Variants in WDR12 observed in about 807,000 individuals in gnomAD.
WDR12 encodes WD repeat domain 12.
In WDR12, 42 loss-of-function variants were observed where a neutral mutation model predicts 64.3. The observed-to-expected ratio is 0.65, with a 90% CI of 0.51 to 0.84. WDR12 has a LOEUF of 0.84. WDR12 is among the 40% of genes least tolerant of loss of function. WDR12 has a pLI of 0.00. For synonymous variants in WDR12, 158 were observed against 173.3 expected, an observed-to-expected ratio of 0.91 and a Z score of 0.70; for missense variants, 469 against 494.6, an observed-to-expected ratio of 0.95 and a Z score of 0.49.
rs1293885057 is a variant in WDR12, at chr2:202,875,852, CTGTG to C, written c.*5004_*5007del. The C allele has an allele frequency of 6.6e-6, 1 of 152,174 alleles. No individual in the cohort carries two copies. Among genetic ancestry groups the C allele is most frequent in the East Asian group, 1.9e-4 (1 of 5,206 alleles). 9.4% of individuals were successfully genotyped at this position (152,174 alleles called of 1,614,324 possible). On this transcript the variant is annotated 3_prime_UTR_variant, in exon 13 of 13. Transcript: ENST00000261015. ...AAATTCACTGCCATTTATTTCCTGC[CTGTG>C]TGACTGTTCAAAAACTTTAACATAT...
At chr2:202,884,639 GC>G in intron 8 of WDR12, 104 bp from the exon 9 acceptor site, 1 of 1,221,320 alleles carries the variant, frequency 8.2e-7, no homozygotes. Flanking sequence ...GAGACAAACT[GC>G]CCATCTTTCA....
At chr2:202,891,612 A>C in intron 8 of WDR12, among the ~76,000 whole-genome samples, 1 of 152,224 alleles carries the variant, frequency 6.6e-6, no homozygotes. Flanking sequence ...CTATTTGATA[A>C]ATAATTTATG....
intron 2 of WDR12, among the ~76,000 whole-genome samples, chr2:202,904,138 CAAAAAAAAAAA>C (rs34378996): frequency 4.9e-4 from 19 of 38,534 alleles, no homozygotes; most frequent in East Asian, 6.9e-4. Flanking sequence ...AACTCTGTCT[CAAAAAAAAAAA>C]AAAAAAAAAA....
At chr2:202,885,670 T>C (rs1342582618) in intron 8 of WDR12, among the ~76,000 whole-genome samples, 1 of 152,216 alleles carries the variant, frequency 6.6e-6, no homozygotes, top group Non-Finnish European at 1.5e-5. Context: ...AGTTCACTTA[T>C]TAATACTCCA....
intron 1 of WDR12, among the ~76,000 whole-genome samples, chr2:202,911,138 T>G (rs1474319588): frequency 6.6e-6 from 1 of 152,208 alleles, no homozygotes; most frequent in Non-Finnish European, 1.5e-5. Flanking sequence ...AAAACTTTTT[T>G]TCCGTTTTCA....
At chr2:202,904,183 A>G (rs1440758459) in intron 2 of WDR12, among the ~76,000 whole-genome samples, 1 of 151,150 alleles carries the variant, frequency 6.6e-6, no homozygotes, top group Non-Finnish European at 1.5e-5. Flanking sequence ...AAAGAAAAAA[A>G]GAAATTGAAG....
At chr2:202,896,286 A>G in intron 5 of WDR12, 67 bp from the exon 6 acceptor site, 1 of 1,477,578 alleles carries the variant, frequency 6.8e-7, no homozygotes, top group Non-Finnish European at 9.0e-7. Context: ...TCATGTTCTG[A>G]AACCAAAGAA....
intron 11 of WDR12, 163 bp from the exon 12 acceptor site, chr2:202,882,946 TC>T: frequency 1.8e-6 from 1 of 564,386 alleles, no homozygotes; most frequent in Non-Finnish European, 3.1e-6. Flanking sequence ...CTCCTCTTTT[TC>T]CTGTATCATT....
Position 202,889,611 on chromosome 2 carries a change from G to A in WDR12, c.741+3006C>T, listed in dbSNP as rs570428202. ...ACTTTAATAAGTAACCATATCAAGTGCTGGTAAAGATGTGGAGTAACAGCC... is the reference window on the plus strand; with the variant it reads ...ACTTTAATAAGTAACCATATCAAGTACTGGTAAAGATGTGGAGTAACAGCC... On this transcript the variant is annotated intron_variant, in intron 8 of 12. Coordinates refer to ENST00000261015, the MANE Select transcript of WDR12 (RefSeq NM_018256.4). Among the ~76,000 whole-genome samples, 3 of 152,014 alleles carry A rather than the reference G, an allele frequency of 2.0e-5. No homozygotes were observed. In the South Asian group the frequency reaches 6.2e-4, roughly 32 times the overall value.
At position 202,874,899 on chromosome 2, in the gene WDR12, C is replaced by T. The variant is rs1406566605; in HGVS notation, c.*5961G>A. ...TTTAAATGTGAAGTGTTATCGACAT[C>T]GTTTTAAAAATTATTTCCTCCCCCT... On this transcript the variant is annotated 3_prime_UTR_variant, in exon 13 of 13. Transcript: ENST00000261015. 2.6e-5 allele frequency: 4 copies of T among 152,178 alleles called. No individual in the cohort carries two copies. Among genetic ancestry groups the T allele is most frequent in the African/African-American group, 9.7e-5 (4 of 41,446 alleles). 9.4% of individuals were successfully genotyped at this position (152,178 alleles called of 1,614,324 possible).
intron 10 of WDR12, 128 bp downstream of exon 10, chr2:202,884,070 C>CA: frequency 1.1e-6 from 1 of 931,090 alleles, no homozygotes; most frequent in Non-Finnish European, 1.6e-6. Context: ...CTCGGCCTCT[C>CA]AAAGTGCTGG....
intron 2 of WDR12, among the ~76,000 whole-genome samples, chr2:202,905,611 T>C (rs1236885074): frequency 6.6e-6 from 1 of 152,182 alleles, no homozygotes; most frequent in African/African-American, 2.4e-5. Flanking sequence ...GATCCAGCAA[T>C]AGCACTGCTA....
intron 4 of WDR12, among the ~76,000 whole-genome samples, chr2:202,897,908 A>AATATAT (rs11463463): frequency 8.5e-4 from 34 of 40,042 alleles, no homozygotes; most frequent in African/African-American, 2.5e-3. Context: ...AAAAAAAAAA[A>AATATAT]ATATATATAT....
intron 6 of WDR12, among the ~76,000 whole-genome samples, chr2:202,895,510 T>C (rs1421883727): frequency 2.0e-5 from 3 of 147,882 alleles, no homozygotes; most frequent in African/African-American, 7.4e-5. Context: ...GTTTACTTCA[T>C]TTCTTTCTTT....
chr2:202,875,032 C>G lies in WDR12; in HGVS notation c.*5828G>C, dbSNP rs998073440. On this transcript the variant is annotated 3_prime_UTR_variant, in exon 13 of 13. Coordinates refer to ENST00000261015, the MANE Select transcript of WDR12 (RefSeq NM_018256.4). ...TTTCTAAACTTTGTATCAGATAGTA[C>G]CTAACAAGATACTTTCTCTGTAGTC... The G allele has an allele frequency of 2.0e-5, 3 of 152,096 alleles. No homozygotes were observed. The highest frequency in any genetic ancestry group is 7.2e-5 in the African/African-American group (3 of 41,420). The allele number at this position is 152,096 out of a possible 1,614,324, so 9.4% of individuals were successfully genotyped here.
At chr2:202,904,022 C>T (rs1361225987) in intron 2 of WDR12, among the ~76,000 whole-genome samples, 1 of 151,100 alleles carries the variant, frequency 6.6e-6, no homozygotes. Context: ...CCTGTAATCC[C>T]AGCTACTCAG....
At chr2:202,882,338 TG>T (rs1305778260) in intron 12 of WDR12, among the ~76,000 whole-genome samples, 1 of 151,930 alleles carries the variant, frequency 6.6e-6, no homozygotes, top group Non-Finnish European at 1.5e-5. Context: ...AACTAATAAA[TG>T]TTTTTTTTTT....
At chr2:202,898,522 C>CTCCTAGTTATA (rs1688292870) in intron 4 of WDR12, among the ~76,000 whole-genome samples, 1 of 152,190 alleles carries the variant, frequency 6.6e-6, no homozygotes, top group South Asian at 2.1e-4. Flanking sequence ...AGAAATATAA[C>CTCCTAGTTATA]TTTATGTAAT....
intron 12 of WDR12, among the ~76,000 whole-genome samples, 191 bp from the exon 13 acceptor site, chr2:202,881,128 C>T (rs1687941975): frequency 6.6e-6 from 1 of 152,184 alleles, no homozygotes; most frequent in African/African-American, 2.4e-5. Flanking sequence ...TTTATTAAAA[C>T]ATTAAAAGCT....
Sources: allele counts gnomAD v4.1 joint callset (sites outside exome capture counted in the v4.1 genomes callset), GRCh38; gene constraint gnomAD v4.1.1; transcripts MANE v1.5; gene names NCBI Gene and HGNC (gene_info 2026-07-23, HGNC 2026-07-21).